The following ZSCAN25 variants were observed in gnomAD, a reference collection of about 807,000 sequenced individuals.
The protein encoded by ZSCAN25 is zinc finger and SCAN domain-containing protein 25.
In ZSCAN25, 27 loss-of-function variants were observed where a neutral mutation model predicts 38.7. That is an observed-to-expected ratio of 0.70 (90% CI 0.51 to 0.96). The LOEUF (loss-of-function observed/expected upper bound fraction) is 0.96, where lower values mean the gene tolerates loss of function less well. Ranked by LOEUF, ZSCAN25 falls within the 40% of genes least tolerant of loss-of-function variation. The pLI is 0.00. For synonymous variants in ZSCAN25, 273 were observed against 277.7 expected, an observed-to-expected ratio of 0.98 and a Z score of 0.17; for missense variants, 637 against 705.9, an observed-to-expected ratio of 0.90 and a Z score of 1.11.
chr7:99,723,367 A>G, the ZSCAN25 span, among the ~76,000 whole-genome samples: 1 of 152,020 alleles, frequency 6.6e-6, no homozygotes, highest in African/African-American at 2.4e-5. Context: ...CCTACCATGC[A>G]CCTTGTGACC....
the ZSCAN25 span, among the ~76,000 whole-genome samples, chr7:99,643,429 C>CT: frequency 0.011 from 1,655 of 151,186 alleles, 14 homozygotes; most frequent in Middle Eastern, 0.024. Context: ...GCTGCCCCCC[C>CT]TTTTTTTTTC....
the ZSCAN25 span, chr7:99,730,712 C>G: frequency 7.8e-6 from 2 of 255,810 alleles, no homozygotes; most frequent in African/African-American, 4.4e-5. Flanking sequence ...GCTCCTGTTC[C>G]TACTTTTAAT....
chr7:99,657,986 T>TC, the ZSCAN25 span, among the ~76,000 whole-genome samples: 8 of 152,328 alleles, frequency 5.3e-5, no homozygotes, highest in East Asian at 1.5e-3. Context: ...ACTTTGCACG[T>TC]GAGATGGGTT....
At chr7:99,678,160 C>T in the ZSCAN25 span, among the ~76,000 whole-genome samples, 2 of 152,210 alleles carry the variant, frequency 1.3e-5, no homozygotes, top group African/African-American at 4.8e-5. Context: ...CCTGGCTGCC[C>T]GAGTCTGTAG....
the ZSCAN25 span, among the ~76,000 whole-genome samples, chr7:99,724,628 C>T: frequency 6.6e-6 from 1 of 152,078 alleles, no homozygotes; most frequent in Non-Finnish European, 1.5e-5. Flanking sequence ...CTCCCCCACC[C>T]TATAATAGAA....
chr7:99,665,933 A>C, the ZSCAN25 span, among the ~76,000 whole-genome samples: 1 of 152,230 alleles, frequency 6.6e-6, no homozygotes, highest in African/African-American at 2.4e-5. Context: ...GGTTAAAAAA[A>C]ATAGATCTCT....
the ZSCAN25 span, among the ~76,000 whole-genome samples, chr7:99,653,320 G>A: frequency 3.3e-5 from 5 of 152,060 alleles, no homozygotes; most frequent in African/African-American, 9.7e-5. This position sits in a 1 kb window ranked among gnomAD's most constrained non-coding sequence, Gnocchi z 4.2. Context: ...GTGTGGTGGC[G>A]TGTGCCTGTA....
the ZSCAN25 span, among the ~76,000 whole-genome samples, chr7:99,721,867 C>G: frequency 6.6e-6 from 1 of 152,150 alleles, no homozygotes; most frequent in Non-Finnish European, 1.5e-5. Context: ...AAAACTATCA[C>G]AAAATACTTG....
Position 99,629,820 on chromosome 7 carries a change from G to A in ZSCAN25, c.1435G>A (p.Ala479Thr), listed in dbSNP as rs777308892. Residue 479 changes from alanine (A) to threonine (T), a missense_variant, in exon 8 of 8, where the codon GCC becomes ACC. Physicochemically the swap from Ala to Thr is moderately conservative, Grantham distance 58. Coordinates refer to ENST00000394152, the MANE Select transcript of ZSCAN25 (RefSeq NM_145115.3). This position sits in a 1 kb window ranked among gnomAD's most constrained non-coding sequence, Gnocchi z 5.6. Reference sequence around the variant, plus strand: ...TGCCAATCTGGCGGTGCACCGGCGTGCCCACACTGGCGAGAAGCCATATGG... The same window carrying A: ...TGCCAATCTGGCGGTGCACCGGCGTACCCACACTGGCGAGAAGCCATATGG... ...RNANLAVHRR[A>T]HTGEKPYGCQ... The A allele has an allele frequency of 1.5e-5, 24 of 1,614,214 alleles. No individual in the cohort carries two copies. The South Asian group carries it at 2.5e-4, about 17-fold the overall frequency.
the ZSCAN25 span, among the ~76,000 whole-genome samples, chr7:99,665,978 C>A: frequency 2.6e-5 from 4 of 152,194 alleles, no homozygotes; most frequent in Non-Finnish European, 5.9e-5. Context: ...AACTGAGTGA[C>A]CACATGTCCC....
chr7:99,617,947 G>A (rs1806611845), intron 1 of ZSCAN25, among the ~76,000 whole-genome samples: 1 of 152,190 alleles, frequency 6.6e-6, no homozygotes, highest in African/African-American at 2.4e-5. Flanking sequence ...TAGCTAGAAA[G>A]GAATGAAAGA....
the ZSCAN25 span, among the ~76,000 whole-genome samples, chr7:99,707,301 G>A: frequency 6.6e-6 from 1 of 152,100 alleles, no homozygotes; most frequent in African/African-American, 2.4e-5. Flanking sequence ...GAGAAGCAAT[G>A]GGGGAGCTTT....
chr7:99,619,581 TCA>T lies in ZSCAN25; in HGVS notation c.-25_-24del. 6.3e-7 allele frequency: 1 copy of T among 1,587,314 alleles called. No homozygotes were observed. The highest frequency in any genetic ancestry group is 8.6e-7 in the Non-Finnish European group (1 of 1,165,638). ...AAAAGGGTCATTGATGCAGTCATTC[TCA>T]GTCTCCTCGGAGGGAGTCTGAAGAT... On this transcript the variant is annotated 5_prime_UTR_variant, in exon 4 of 8. It removes the in-frame stop codon of an upstream open reading frame in the 5' UTR. Transcript: ENST00000394152.
chr7:99,648,406 A>G, the ZSCAN25 span: 5 of 1,598,130 alleles, frequency 3.1e-6, no homozygotes, highest in Non-Finnish European at 4.3e-6. Context: ...GGGATCTACA[A>G]TAGTTAAACA....
the ZSCAN25 span, chr7:99,735,085 G>A: frequency 8.1e-6 from 13 of 1,614,066 alleles, no homozygotes; most frequent in South Asian, 1.3e-4. Context: ...AGTTTGGGAT[G>A]AGATCCATCA....
rs150011191 is a variant in ZSCAN25, at chr7:99,619,730, C to T, written c.124C>T (p.Arg42Trp). The change falls in exon 4 of 8, where the codon CGG becomes TGG. Residue 42 changes from arginine to tryptophan, a missense_variant. Physicochemically the swap from Arg to Trp is moderately radical, Grantham distance 101. Coordinates refer to ENST00000394152, the MANE Select transcript of ZSCAN25 (RefSeq NM_145115.3). ...GREDPSPETF[R>W]LRFRQFRYQE... ...GGAGGACCCTAGTCCAGAGACTTTT[C>T]GGCTGAGGTTTCGGCAGTTCCGCTA... 2.1e-5 allele frequency: 34 copies of T among 1,614,126 alleles called. No homozygotes were observed. Among genetic ancestry groups the T allele is most frequent in the Non-Finnish European group, 2.7e-5 (32 of 1,180,042 alleles).
the ZSCAN25 span, among the ~76,000 whole-genome samples, chr7:99,696,473 C>A: frequency 6.6e-6 from 1 of 152,164 alleles, no homozygotes; most frequent in Non-Finnish European, 1.5e-5. Context: ...AGATTGACAA[C>A]TGTGCTGAAG....
the ZSCAN25 span, among the ~76,000 whole-genome samples, chr7:99,694,227 CTT>C: frequency 6.6e-6 from 1 of 152,192 alleles, no homozygotes; most frequent in Admixed American, 6.5e-5. Context: ...AATGCACAGT[CTT>C]TTATCTCTGT....
At chr7:99,723,595 G>A in the ZSCAN25 span, among the ~76,000 whole-genome samples, 1 of 152,120 alleles carries the variant, frequency 6.6e-6, no homozygotes, top group Non-Finnish European at 1.5e-5. Flanking sequence ...AAAGACCTGG[G>A]ACAGGGGGAC....
Sources: gnomAD v4.1 joint callset for allele counts (sites outside exome capture counted in the v4.1 genomes callset) on GRCh38, gnomAD v4.1.1 for gene constraint, Gnocchi (gnomAD v3.1) non-coding constraint, MANE v1.5 for transcripts, NCBI Gene and HGNC (gene_info 2026-07-23, HGNC 2026-07-21) for gene names.